Variants in ITPK1 observed in about 807,000 individuals in gnomAD.
ITPK1 encodes inositol 1,3,4-trisphosphate 5/6-kinase.
In ITPK1, 21 loss-of-function variants were observed where a neutral mutation model predicts 45.3. The observed-to-expected ratio is 0.46, with a 90% CI of 0.33 to 0.67. ITPK1 has a LOEUF of 0.67. Among genes scored for constraint, ITPK1 ranks in the 30% least tolerant of loss-of-function variants. The probability of loss-of-function intolerance (pLI) is 0.02; values close to 1 mark genes in which losing one functional copy is unlikely to be tolerated. For missense variants in ITPK1, 474 were observed against 573.5 expected, an observed-to-expected ratio of 0.83 and a Z score of 1.77; for synonymous variants, 258 against 253.6, an observed-to-expected ratio of 1.02 and a Z score of -0.16.
chr14:93,037,282 G>A (rs1468251468), intron 3 of ITPK1, among the ~76,000 whole-genome samples: 1 of 152,268 alleles, frequency 6.6e-6, no homozygotes. Flanking sequence ...AGCCTAGGAC[G>A]TCAGATCCTG....
chr14:92,970,103 C>T (rs1310686344), intron 5 of ITPK1, among the ~76,000 whole-genome samples: 1 of 152,176 alleles, frequency 6.6e-6, no homozygotes, highest in Non-Finnish European at 1.5e-5. Context: ...CGACCGGTAG[C>T]AGCTACAGAA....
rs563532287 is a variant in ITPK1, at chr14:93,036,350, G to T, written c.121-19549C>A. On this transcript the variant is annotated intron_variant, in intron 3 of 10. Coordinates refer to ENST00000267615, the MANE Select transcript of ITPK1 (RefSeq NM_014216.6). This position sits in a 1 kb window ranked among gnomAD's most constrained non-coding sequence, Gnocchi z 4.1. Reference sequence around the variant, plus strand: ...GTCATGCTCTGTGACAGCGTGAGAAGAACTGCAAACATCTCACTGAGGTTT... The same window carrying T: ...GTCATGCTCTGTGACAGCGTGAGAATAACTGCAAACATCTCACTGAGGTTT... Among the ~76,000 whole-genome samples the T allele has an allele frequency of 3.1e-4, 47 of 152,342 alleles. No homozygotes were observed. The highest frequency in any genetic ancestry group is 1.1e-3 in the African/African-American group (45 of 41,570).
intron 3 of ITPK1, among the ~76,000 whole-genome samples, chr14:93,044,252 C>T (rs369960151): frequency 1.3e-5 from 2 of 152,182 alleles, no homozygotes; most frequent in East Asian, 1.9e-4. Context: ...GCAACAAATT[C>T]AAAGGAAAGA....
At chr14:93,062,079 T>C (rs1890548220) in intron 3 of ITPK1, among the ~76,000 whole-genome samples, 2 of 152,176 alleles carry the variant, frequency 1.3e-5, no homozygotes, top group South Asian at 2.1e-4. Flanking sequence ...AAGACCACCC[T>C]GGCCAACACG....
chr14:93,047,817 CCGACAT>C (rs1889845850), intron 3 of ITPK1, among the ~76,000 whole-genome samples: 1 of 152,222 alleles, frequency 6.6e-6, no homozygotes, highest in East Asian at 1.9e-4. Context: ...ACCAGCCAGC[CCGACAT>C]CTGCTTCCTG....
chr14:93,028,555 T>C (rs1334558365), intron 3 of ITPK1, among the ~76,000 whole-genome samples: 3 of 152,196 alleles, frequency 2.0e-5, no homozygotes, highest in African/African-American at 7.2e-5. Context: ...TTCAACCCCC[T>C]TGAGACACTG....
chr14:93,100,121 G>A (rs1283076824), intron 2 of ITPK1, among the ~76,000 whole-genome samples: 1 of 152,204 alleles, frequency 6.6e-6, no homozygotes, highest in Non-Finnish European at 1.5e-5. Context: ...CATGTAGAAG[G>A]GAATGAGGCG....
chr14:92,979,681 G>A (rs1159245630), intron 5 of ITPK1, among the ~76,000 whole-genome samples: 1 of 151,922 alleles, frequency 6.6e-6, no homozygotes, highest in Non-Finnish European at 1.5e-5. Flanking sequence ...CTTCCCCTTT[G>A]CCTTCCGCCA....
intron 5 of ITPK1, among the ~76,000 whole-genome samples, chr14:92,983,260 CAG>C (rs1268367857): frequency 3.3e-5 from 5 of 152,214 alleles, no homozygotes; most frequent in African/African-American, 1.2e-4. Flanking sequence ...CTTCTGGACC[CAG>C]GCAGACGCTC....
Position 92,938,249 on chromosome 14 carries a change from T to A in ITPK1, c.*3312A>T. ...CTGGGATGACAGGCGTGAGCCGCCA[T>A]GCCCGGCCAGAGTTTCTAGGGAATA... On this transcript the variant is annotated 3_prime_UTR_variant, in exon 11 of 11. Coordinates refer to ENST00000267615, the MANE Select transcript of ITPK1 (RefSeq NM_014216.6). The A allele has an allele frequency of 3.4e-6, 2 of 589,734 alleles. No homozygotes were observed. The highest frequency in any genetic ancestry group is 6.0e-6 in the Non-Finnish European group (2 of 332,562). The allele number at this position is 589,734 out of a possible 1,614,324, so 36.5% of individuals were successfully genotyped here.
chr14:93,074,163 G>A (rs1187207470), intron 3 of ITPK1, among the ~76,000 whole-genome samples: 2 of 152,202 alleles, frequency 1.3e-5, no homozygotes, highest in East Asian at 3.9e-4. Flanking sequence ...GGTGAACAGA[G>A]AGGTATCGTG....
chr14:93,100,670 C>T (rs1275883620), intron 2 of ITPK1, among the ~76,000 whole-genome samples: 6 of 152,132 alleles, frequency 3.9e-5, no homozygotes, highest in Non-Finnish European at 8.8e-5. Flanking sequence ...GGAACCAATA[C>T]ATCCCCTTTA....
chr14:93,090,854 C>T (rs931872887), intron 2 of ITPK1, among the ~76,000 whole-genome samples: 4 of 152,138 alleles, frequency 2.6e-5, no homozygotes, highest in Non-Finnish European at 4.4e-5. Flanking sequence ...ATGTCCAAAT[C>T]GAAACGCTAC....
chr14:93,041,127 G>A (rs949653453), intron 3 of ITPK1, among the ~76,000 whole-genome samples: 8 of 152,234 alleles, frequency 5.3e-5, no homozygotes, highest in Middle Eastern at 3.4e-3. Flanking sequence ...TTAGCCAGGC[G>A]CTGTCCTCAA....
At chr14:93,038,719 G>A (rs998660864) in intron 3 of ITPK1, among the ~76,000 whole-genome samples, 1 of 152,064 alleles carries the variant, frequency 6.6e-6, no homozygotes, top group Non-Finnish European at 1.5e-5. Flanking sequence ...GTAGAGATGG[G>A]TTTCACCATG....
intron 3 of ITPK1, among the ~76,000 whole-genome samples, chr14:93,073,892 C>T (rs754131367): frequency 1.3e-5 from 2 of 152,150 alleles, no homozygotes; most frequent in African/African-American, 4.8e-5. Context: ...GAACGGGAGA[C>T]GCCCCTCAGG....
intron 2 of ITPK1, among the ~76,000 whole-genome samples, chr14:93,110,313 A>C (rs1595226324): frequency 1.3e-5 from 2 of 152,004 alleles, no homozygotes; most frequent in South Asian, 4.1e-4. Flanking sequence ...ACCTCTTCCC[A>C]CCTCTGCACC....
intron 3 of ITPK1, chr14:93,071,218 C>T (rs1392160757): frequency 1.3e-5 from 2 of 153,402 alleles, no homozygotes; most frequent in East Asian, 3.9e-4. Flanking sequence ...TGATCATCAT[C>T]ACGTGGCCCA....
intron 2 of ITPK1, among the ~76,000 whole-genome samples, chr14:93,103,360 A>G (rs1313093865): frequency 3.3e-5 from 5 of 151,358 alleles, no homozygotes; most frequent in African/African-American, 1.2e-4. Context: ...CAGAGGTTGC[A>G]GTGAGATTGC....
Sources: gnomAD v4.1 joint callset for allele counts (sites outside exome capture counted in the v4.1 genomes callset) on GRCh38, gnomAD v4.1.1 for gene constraint, Gnocchi (gnomAD v3.1) non-coding constraint, MANE v1.5 for transcripts, NCBI Gene and HGNC (gene_info 2026-07-23, HGNC 2026-07-21) for gene names.